Variants in EPB41L5 observed in about 807,000 individuals in gnomAD.
EPB41L5 encodes erythrocyte membrane protein band 4.1 like 5, also known as band 4.1-like protein 5.
A neutral mutation model predicts 106.6 loss-of-function variants in EPB41L5; 55 were observed. That is an observed-to-expected ratio of 0.52 (90% CI 0.42 to 0.65). The LOEUF is 0.65. Among genes scored for constraint, EPB41L5 ranks in the 30% least tolerant of loss-of-function variants. The pLI is 0.00. For missense variants in EPB41L5, 871 were observed against 882.1 expected (o/e 0.99, Z 0.16); for synonymous variants, 297 against 306.7 (o/e 0.97, Z 0.33).
At chr2:120,050,131 A>T (rs1027336203) in intron 3 of EPB41L5, among the ~76,000 whole-genome samples, 2 of 152,190 alleles carry the variant, frequency 1.3e-5, no homozygotes, top group Non-Finnish European at 2.9e-5. Context: ...TGAATCTGAC[A>T]ATTATATGTC....
At chr2:120,060,639 A>G (rs1314661259) in intron 3 of EPB41L5, among the ~76,000 whole-genome samples, 1 of 152,174 alleles carries the variant, frequency 6.6e-6, no homozygotes, top group African/African-American at 2.4e-5. Flanking sequence ...GTGACTATAA[A>G]TGAGTAATGT....
At chr2:120,166,129 A>C (rs1028904000) in intron 22 of EPB41L5, among the ~76,000 whole-genome samples, 2 of 152,118 alleles carry the variant, frequency 1.3e-5, no homozygotes, top group African/African-American at 4.8e-5. Flanking sequence ...ATTTTTGTGT[A>C]TATCAGAATC....
chr2:120,151,471 T>A (rs1348896831), intron 20 of EPB41L5, among the ~76,000 whole-genome samples: 5 of 152,018 alleles, frequency 3.3e-5, no homozygotes, highest in African/African-American at 1.2e-4. Flanking sequence ...ATAAAAGATT[T>A]AAAAACCTAG....
At chr2:120,163,955 AC>A (rs202040211) in intron 21 of EPB41L5, among the ~76,000 whole-genome samples, 40 of 39,522 alleles carry the variant, frequency 1.0e-3, no homozygotes, top group Non-Finnish European at 1.9e-3. Context: ...TCTCAAAACA[AC>A]TTTTTTTTAT....
In EPB41L5 at chr2:120,164,867, C is replaced by T. The variant is rs766985123; in HGVS notation, c.1919C>T (p.Ala640Val). The change falls in exon 22 of 25, where the codon GCA becomes GTA. Residue 640 changes from alanine to valine, a missense_variant. Transcript: ENST00000263713. ...ACAGATGAATTGGATGCCTTGCTTG[C>T]ATCTCTAACTGAGAATCTAATTGAT... ...EATDELDALL[A>V]SLTENLIDHT... 2 of 1,612,322 alleles carry T rather than the reference C, an allele frequency of 1.2e-6. No individual in the cohort carries two copies. Among genetic ancestry groups the T allele is most frequent in the Admixed American group, 1.7e-5 (1 of 59,714 alleles).
chr2:120,033,897 C>T (rs527740375), intron 2 of EPB41L5, among the ~76,000 whole-genome samples: 155 of 150,768 alleles, frequency 1.0e-3, no homozygotes, highest in Non-Finnish European at 2.0e-3. Flanking sequence ...AGTTTGAGAC[C>T]AGTCTGGGTA....
chr2:120,097,086 T>C (rs1367917822), intron 14 of EPB41L5, among the ~76,000 whole-genome samples: 1 of 152,230 alleles, frequency 6.6e-6, no homozygotes, highest in East Asian at 1.9e-4. Flanking sequence ...ATAGTGCCTG[T>C]TTTGGAATTA....
chr2:120,177,937 A>G lies in EPB41L5; in HGVS notation c.*3030A>G, dbSNP rs930716175. On this transcript the variant is annotated 3_prime_UTR_variant, in exon 25 of 25. Transcript: ENST00000263713. Reference sequence around the variant, plus strand: ...TCTTCTTCTCTTAGCTAAGCCCCAAAATGAAGATTTCCTTCAGAAGTCTTG... The same window carrying G: ...TCTTCTTCTCTTAGCTAAGCCCCAAGATGAAGATTTCCTTCAGAAGTCTTG... The G allele has an allele frequency of 6.6e-6, 1 of 152,202 alleles. No homozygotes were observed. The highest frequency in any genetic ancestry group is 2.4e-5 in the African/African-American group (1 of 41,422). The allele number at this position is 152,202 out of a possible 1,614,324, so 9.4% of individuals were successfully genotyped here. A position where few individuals can be genotyped will look rare whatever the true frequency, so the allele number is the denominator to read the frequency against.
At chr2:120,096,595 G>A (rs1211229797) in intron 14 of EPB41L5, among the ~76,000 whole-genome samples, 1 of 152,130 alleles carries the variant, frequency 6.6e-6, no homozygotes, top group Admixed American at 6.6e-5. Context: ...TTTGAGACCA[G>A]CCAGACCAAC....
chr2:120,146,158 T>G, intron 19 of EPB41L5, 67 bp from the exon 20 acceptor site: 1 of 956,610 alleles, frequency 1.0e-6, no homozygotes. Flanking sequence ...CAGAAAGAAA[T>G]GTAAATTTCT....
At chr2:120,073,029 C>T in intron 3 of EPB41L5, 149 bp from the exon 4 acceptor site, 1 of 641,808 alleles carries the variant, frequency 1.6e-6, no homozygotes, top group South Asian at 2.0e-5. Flanking sequence ...TTCCTTCTCA[C>T]CTCTTTTCTC....
intron 3 of EPB41L5, among the ~76,000 whole-genome samples, chr2:120,047,671 T>G (rs1381033279): frequency 6.6e-6 from 1 of 152,206 alleles, no homozygotes; most frequent in Non-Finnish European, 1.5e-5. Flanking sequence ...CCTGCCTGAT[T>G]GCCCTGGCCA....
At chr2:120,154,873 C>T (rs150420134) in intron 20 of EPB41L5, among the ~76,000 whole-genome samples, 7,369 of 152,126 alleles carry the variant, frequency 0.048, 211 homozygotes, top group African/African-American at 0.066. Context: ...TTGCAGTGAG[C>T]CGAGATCGTG....
intron 2 of EPB41L5, among the ~76,000 whole-genome samples, chr2:120,034,176 G>C (rs927356823): frequency 1.3e-5 from 2 of 152,206 alleles, no homozygotes; most frequent in African/African-American, 4.8e-5. Flanking sequence ...ACTAGCATCT[G>C]TTAAGGAGGA....
At chr2:120,137,178 G>A (rs765487032) in intron 18 of EPB41L5, among the ~76,000 whole-genome samples, 1 of 151,884 alleles carries the variant, frequency 6.6e-6, no homozygotes, top group Non-Finnish European at 1.5e-5. Flanking sequence ...AAATGAAAAT[G>A]GAAACAAAAC....
chr2:120,170,288 C>T (rs958850193), intron 24 of EPB41L5, among the ~76,000 whole-genome samples: 4 of 152,246 alleles, frequency 2.6e-5, no homozygotes, highest in Non-Finnish European at 4.4e-5. Context: ...AAACAATACA[C>T]ACTTATAATC....
At chr2:120,034,869 A>G (rs1678944253) in intron 2 of EPB41L5, among the ~76,000 whole-genome samples, 1 of 152,150 alleles carries the variant, frequency 6.6e-6, no homozygotes, top group African/African-American at 2.4e-5. Flanking sequence ...TCTCAAAATC[A>G]GTCAGTCAGT....
chr2:120,104,087 A>G lies in EPB41L5; in HGVS notation c.1337+3273A>G, dbSNP rs570321250. The G allele has an allele frequency of 9.1e-6, 14 of 1,535,092 alleles. No homozygotes were observed. The African/African-American group carries it at 9.6e-5, about 10-fold the overall frequency. ...TCTCTGCTGCCAGCGACTGCTGTCAACGTGGTGGAAACCAGTGGAACACAA... is the reference window on the plus strand; with the variant it reads ...TCTCTGCTGCCAGCGACTGCTGTCAGCGTGGTGGAAACCAGTGGAACACAA... On this transcript the variant is annotated intron_variant, in intron 16 of 24. Transcript: ENST00000263713.
intron 16 of EPB41L5, among the ~76,000 whole-genome samples, chr2:120,118,394 C>T (rs904003194): frequency 6.6e-6 from 1 of 152,108 alleles, no homozygotes; most frequent in East Asian, 1.9e-4. Flanking sequence ...ATGTGCAGAA[C>T]GTGCAGGTTT....
Sources: gnomAD v4.1 joint callset for allele counts (sites outside exome capture counted in the v4.1 genomes callset) on GRCh38, gnomAD v4.1.1 for gene constraint, MANE v1.5 for transcripts, NCBI Gene and HGNC (gene_info 2026-07-23, HGNC 2026-07-21) for gene names.